Variants in CALN1 observed in about 807,000 individuals in gnomAD.
CALN1 encodes calneuron 1, also known as calcium-binding protein 8.
A neutral mutation model predicts 30.6 loss-of-function variants in CALN1; 17 were observed. That is an observed-to-expected ratio of 0.56 (90% confidence interval 0.38 to 0.83). The LOEUF (loss-of-function observed/expected upper bound fraction) is 0.83. CALN1 is among the 40% of genes least tolerant of loss of function. The pLI is 0.00. For synonymous variants in CALN1, 156 were observed against 131.4 expected (o/e 1.19, Z -1.28); for missense variants, 291 against 354.9 (o/e 0.82, Z 1.45).
intron 5 of CALN1, among the ~76,000 whole-genome samples, chr7:71,842,808 C>A (rs1470757401): frequency 1.3e-5 from 2 of 152,192 alleles, no homozygotes; most frequent in Admixed American, 1.3e-4. Context: ...CGTTCCTGTA[C>A]CCTCAGCACT....
At chr7:72,414,307 TGAA>T (rs1203708750), upstream of CALN1, among the ~76,000 whole-genome samples, 2 of 152,118 alleles carry the variant, frequency 1.3e-5, no homozygotes, top group Non-Finnish European at 2.9e-5. Flanking sequence ...TCTACCAACA[TGAA>T]GAGTGACCTA....
At chr7:71,957,027 C>T (rs1183539627) in intron 5 of CALN1, among the ~76,000 whole-genome samples, 21 of 152,040 alleles carry the variant, frequency 1.4e-4, no homozygotes, top group Admixed American at 6.6e-5. Flanking sequence ...TAGTCAATCC[C>T]TTCATCTCCC....
chr7:72,296,886 C>A (rs1798902752), intron 2 of CALN1, among the ~76,000 whole-genome samples: 1 of 151,166 alleles, frequency 6.6e-6, no homozygotes, highest in Admixed American at 6.6e-5. Context: ...TTAGTTATTT[C>A]TTGCCTTCTG....
chr7:71,927,589 C>G (rs961584195), intron 5 of CALN1, among the ~76,000 whole-genome samples: 6 of 151,996 alleles, frequency 3.9e-5, no homozygotes, highest in African/African-American at 1.2e-4. Flanking sequence ...CCTGTTTATC[C>G]CTTAGCTTTT....
chr7:71,990,366 C>A (rs1798883564), intron 5 of CALN1, among the ~76,000 whole-genome samples: 1 of 152,164 alleles, frequency 6.6e-6, no homozygotes, highest in African/African-American at 2.4e-5. Flanking sequence ...AATAATCCAT[C>A]CGTCGTTTAG....
At chr7:71,870,801 A>G (rs1402571146) in intron 5 of CALN1, among the ~76,000 whole-genome samples, 1 of 152,156 alleles carries the variant, frequency 6.6e-6, no homozygotes, top group African/African-American at 2.4e-5. Context: ...ATTACTTTGT[A>G]TTTTACTTAT....
intron 3 of CALN1, among the ~76,000 whole-genome samples, chr7:72,231,596 G>A (rs1202130053): frequency 6.6e-6 from 1 of 152,166 alleles, no homozygotes; most frequent in Non-Finnish European, 1.5e-5. Flanking sequence ...GAACATACAT[G>A]TGCATGTATC....
intron 1 of CALN1, among the ~76,000 whole-genome samples, chr7:72,437,440 A>G (rs1808195847): frequency 6.6e-6 from 1 of 152,096 alleles, no homozygotes; most frequent in Non-Finnish European, 1.5e-5. Flanking sequence ...GGGCTGTTTT[A>G]GCTTCAAAAC....
intron 2 of CALN1, among the ~76,000 whole-genome samples, chr7:72,284,803 G>T (rs1361373103): frequency 6.6e-6 from 1 of 152,002 alleles, no homozygotes; most frequent in Non-Finnish European, 1.5e-5. Context: ...TCTCTTTAAA[G>T]TTATACAGAT....
At chr7:72,348,058 G>C (rs1488239277) in intron 2 of CALN1, among the ~76,000 whole-genome samples, 1 of 152,112 alleles carries the variant, frequency 6.6e-6, no homozygotes, top group African/African-American at 2.4e-5. Context: ...TTGAACCTAG[G>C]AAGCGAAGGT....
chr7:71,893,834 C>G (rs1277201166), intron 5 of CALN1, among the ~76,000 whole-genome samples: 1 of 151,966 alleles, frequency 6.6e-6, no homozygotes, highest in Non-Finnish European at 1.5e-5. Flanking sequence ...AGATTTGGGC[C>G]TCTCTGGGAA....
At chr7:72,420,572 C>T (rs1238419097) in intron 1 of CALN1, among the ~76,000 whole-genome samples, 1 of 151,460 alleles carries the variant, frequency 6.6e-6, no homozygotes, top group Non-Finnish European at 1.5e-5. Flanking sequence ...AACAGTGCCT[C>T]TGCAGAAGAC....
chr7:72,116,492 G>C (rs1290170272), intron 3 of CALN1, among the ~76,000 whole-genome samples: 1 of 152,220 alleles, frequency 6.6e-6, no homozygotes, highest in Non-Finnish European at 1.5e-5. Context: ...GAGGCTTGGA[G>C]GAAGCATGGC....
chr7:72,283,454 G>A (rs945593287), intron 2 of CALN1, among the ~76,000 whole-genome samples: 1 of 152,162 alleles, frequency 6.6e-6, no homozygotes, highest in South Asian at 2.1e-4. Flanking sequence ...AGGATCATGT[G>A]AGCACAGTAA....
chr7:72,310,926 AAAC>A (rs1562871484), intron 2 of CALN1, among the ~76,000 whole-genome samples: 1 of 150,954 alleles, frequency 6.6e-6, no homozygotes, highest in Non-Finnish European at 1.5e-5. Context: ...AAAAAAAAAA[AAAC>A]AAAAATAAAG....
intron 6 of CALN1, among the ~76,000 whole-genome samples, chr7:71,803,671 C>T (rs1022366926): frequency 4.6e-5 from 7 of 152,104 alleles, no homozygotes; most frequent in South Asian, 2.1e-4. Flanking sequence ...GACAGGGTTT[C>T]GCCATGTTGG....
At chr7:72,161,774 G>A (rs1788129810) in intron 3 of CALN1, among the ~76,000 whole-genome samples, 1 of 152,044 alleles carries the variant, frequency 6.6e-6, no homozygotes, top group African/African-American at 2.4e-5. Context: ...AGGGGGCAGT[G>A]GCGGGTGGGA....
At chr7:72,499,117 A>G in the CALN1 span, among the ~76,000 whole-genome samples, 1 of 152,048 alleles carries the variant, frequency 6.6e-6, no homozygotes. Context: ...TGCAACCTCC[A>G]CCTCCTGGGT....
chr7:72,304,449 C>A (rs1015278226), intron 2 of CALN1, among the ~76,000 whole-genome samples: 4 of 152,036 alleles, frequency 2.6e-5, no homozygotes, highest in Admixed American at 2.6e-4. Flanking sequence ...TCCAGGCCAG[C>A]CTGGGCAACA....
Sources: gnomAD v4.1 joint callset for allele counts (sites outside exome capture counted in the v4.1 genomes callset) on GRCh38, gnomAD v4.1.1 for gene constraint, MANE v1.5 for transcripts, NCBI Gene and HGNC (gene_info 2026-07-23, HGNC 2026-07-21) for gene names.